The following HAUS6 variants were observed in gnomAD, a reference collection of about 807,000 sequenced individuals.
HAUS6 encodes the protein HAUS augmin like complex subunit 6, also known as HAUS augmin-like complex subunit 6.
In HAUS6, 80 loss-of-function variants were observed where a neutral mutation model predicts 106.8. That is an observed-to-expected ratio of 0.75 (90% confidence interval 0.63 to 0.90). HAUS6 has a LOEUF of 0.90. Among genes scored for constraint, HAUS6 ranks in the 40% least tolerant of loss-of-function variants. The probability of loss-of-function intolerance (pLI) is 0.00; values close to 1 mark genes in which losing one functional copy is unlikely to be tolerated. For synonymous variants in HAUS6, 356 were observed against 379.1 expected (o/e 0.94, Z 0.71); for missense variants, 1,155 against 1,118.1 (o/e 1.03, Z -0.47).
chr9:19,065,782 A>C (rs901540816), intron 12 of HAUS6, among the ~76,000 whole-genome samples: 7 of 152,092 alleles, frequency 4.6e-5, no homozygotes, highest in African/African-American at 1.4e-4. Context: ...CAGCAGTTGC[A>C]GTGAGCCGAG....
At chr9:19,084,030 C>T (rs1837225722) in intron 7 of HAUS6, among the ~76,000 whole-genome samples, 1 of 147,628 alleles carries the variant, frequency 6.8e-6, no homozygotes, top group Admixed American at 6.8e-5. Context: ...GTAAAAGGAT[C>T]CCTTAAGCCC....
intron 7 of HAUS6, 114 bp downstream of exon 7, chr9:19,086,620 C>CA (rs372363190): frequency 0.082 from 30,143 of 368,200 alleles, 2 homozygotes; most frequent in East Asian, 0.098. Flanking sequence ...ACTCCAACTC[C>CA]AAAAAAAAAA....
Position 19,102,894 on chromosome 9 carries a change from C to T in HAUS6, c.-243G>A, listed in dbSNP as rs1158259226. The T allele has an allele frequency of 7.9e-6, 3 of 380,800 alleles. No individual in the cohort carries two copies. Among genetic ancestry groups the T allele is most frequent in the African/African-American group, 6.3e-5 (3 of 47,696 alleles). The allele number at this position is 380,800 out of a possible 1,614,324, so 23.6% of individuals were successfully genotyped here. A position where few individuals can be genotyped will look rare whatever the true frequency, so the allele number is the denominator to read the frequency against. ...GCGAAGCCACCACAAACCGAGACTC[C>T]CGCCCTTAAGGAAGAGCAGTGTGCG... On this transcript the variant is annotated 5_prime_UTR_variant, in exon 1 of 17. Coordinates refer to ENST00000380502, the MANE Select transcript of HAUS6 (RefSeq NM_017645.5).
chr9:19,095,633 C>T (rs988610918), intron 2 of HAUS6, among the ~76,000 whole-genome samples: 12 of 151,612 alleles, frequency 7.9e-5, no homozygotes, highest in African/African-American at 2.9e-4. Flanking sequence ...TAAATAAAAG[C>T]AAAATATTGA....
At chr9:19,101,680 G>A (rs1022001395) in intron 1 of HAUS6, among the ~76,000 whole-genome samples, 1 of 152,192 alleles carries the variant, frequency 6.6e-6, no homozygotes, top group African/African-American at 2.4e-5. Flanking sequence ...CCAGCACTTT[G>A]GGAGGCCGAG....
intron 4 of HAUS6, among the ~76,000 whole-genome samples, chr9:19,092,916 CA>C (rs71494998): frequency 2.3e-3 from 175 of 76,210 alleles, no homozygotes; most frequent in Admixed American, 2.2e-3. Flanking sequence ...AACTGTGTCT[CA>C]AAAAAAAAAA....
chr9:19,070,944 A>G (rs1054227414), intron 11 of HAUS6, among the ~76,000 whole-genome samples: 4 of 152,342 alleles, frequency 2.6e-5, no homozygotes, highest in South Asian at 2.1e-4. Flanking sequence ...ACAAGTTGCT[A>G]TGATGGAGCA....
chr9:19,066,830 C>CA (rs71333078), intron 12 of HAUS6, among the ~76,000 whole-genome samples: 30,346 of 81,710 alleles, frequency 0.37, 5,138 homozygotes, highest in African/African-American at 0.53. Context: ...CTCATCTCTA[C>CA]AAAAAAAAAA....
In HAUS6 at chr9:19,083,023, T is replaced by G; in HGVS notation, c.720A>C (p.Ser240=). 1 of 1,585,400 alleles carries G rather than the reference T, an allele frequency of 6.3e-7. No homozygotes were observed. Among genetic ancestry groups the G allele is most frequent in the Non-Finnish European group, 8.6e-7 (1 of 1,169,292 alleles). ...CCAAAAACATGAGCGTTTCATTCAC[T>G]GAAGCCCACAAAGACCGAACCTTTG... ...KIQKVRSLWA[S]VNETLMFLEK... Residue 240 remains serine, a synonymous_variant, in exon 8 of 17, where the codon TCA becomes TCC. Transcript: ENST00000380502.
In HAUS6 at chr9:19,054,638, G is replaced by C. The variant is rs1209582047; in HGVS notation, c.*1705C>G. ...TCTCAGACTTGGGTGGCCAACTTGAGCTTCCCTATCAGATAGTTACCAATC... is the reference window on the plus strand; with the variant it reads ...TCTCAGACTTGGGTGGCCAACTTGACCTTCCCTATCAGATAGTTACCAATC... On this transcript the variant is annotated 3_prime_UTR_variant, in exon 17 of 17. Transcript: ENST00000380502. 2 of 152,166 alleles carry C rather than the reference G, an allele frequency of 1.3e-5. No individual in the cohort carries two copies. The highest frequency in any genetic ancestry group is 2.4e-5 in the African/African-American group (1 of 41,442). 9.4% of individuals were successfully genotyped at this position (152,166 alleles called of 1,614,324 possible).
At chr9:19,101,813 G>C (rs1370836307) in intron 1 of HAUS6, among the ~76,000 whole-genome samples, 3 of 152,012 alleles carry the variant, frequency 2.0e-5, no homozygotes, top group Non-Finnish European at 4.4e-5. Context: ...CCAGCTACTC[G>C]GGAGGCTGAG....
chr9:19,069,214 A>G (rs1462658874), intron 12 of HAUS6, among the ~76,000 whole-genome samples: 4 of 152,208 alleles, frequency 2.6e-5, no homozygotes, highest in Non-Finnish European at 4.4e-5. Context: ...CTTAGTTTCA[A>G]AAAAGTTCAC....
intron 4 of HAUS6, among the ~76,000 whole-genome samples, chr9:19,090,659 A>G (rs970180604): frequency 9.9e-5 from 15 of 152,150 alleles, no homozygotes; most frequent in Admixed American, 5.2e-4. Flanking sequence ...CACCTCGCCC[A>G]GCCATAGAAT....
At chr9:19,056,715 C>G (rs556281670) in intron 16 of HAUS6, 20 of 239,040 alleles carry the variant, frequency 8.4e-5, no homozygotes, top group African/African-American at 4.3e-4. Flanking sequence ...ATCCTCCCAC[C>G]TCAGCCTCCT....
At chr9:19,083,718 T>C (rs1837216394) in intron 7 of HAUS6, among the ~76,000 whole-genome samples, 3 of 150,072 alleles carry the variant, frequency 2.0e-5, no homozygotes, top group African/African-American at 7.4e-5. Context: ...AGAAGAATGG[T>C]GTGAACCCGG....
Position 19,102,413 on chromosome 9 carries a change from G to C in HAUS6, c.128+111C>G, listed in dbSNP as rs574066361. 345 of 1,203,510 alleles carry C rather than the reference G, an allele frequency of 2.9e-4. 3 individuals are homozygous for C. The South Asian group carries it at 4.6e-3, about 16-fold the overall frequency. The allele number at this position is 1,203,510 out of a possible 1,614,324, so 74.6% of individuals were successfully genotyped here. A position where few individuals can be genotyped will look rare whatever the true frequency, so the allele number is the denominator to read the frequency against. On this transcript the variant is annotated intron_variant, in intron 1 of 16. Transcript: ENST00000380502. Reference sequence around the variant, plus strand: ...CTTTGGAGCCAATGCCTGGCACAGAGTAACTGCTCAACCAATTCTGATTAA... The same window carrying C: ...CTTTGGAGCCAATGCCTGGCACAGACTAACTGCTCAACCAATTCTGATTAA...
chr9:19,094,117 A>G (rs1022765183), intron 3 of HAUS6, among the ~76,000 whole-genome samples, 200 bp downstream of exon 3: 1 of 152,228 alleles, frequency 6.6e-6, no homozygotes, highest in African/African-American at 2.4e-5. Context: ...TTTTCAGTAC[A>G]CCTGGCCAGC....
chr9:19,096,813 A>C, intron 1 of HAUS6, 44 bp from the exon 2 acceptor site: 1 of 915,904 alleles, frequency 1.1e-6, no homozygotes, highest in Non-Finnish European at 1.7e-6. Flanking sequence ...GAAAAAGGTT[A>C]ATAAGCTAAA....
At chr9:19,066,574 C>A (rs1249364704) in intron 12 of HAUS6, among the ~76,000 whole-genome samples, 1 of 141,500 alleles carries the variant, frequency 7.1e-6, no homozygotes, top group Non-Finnish European at 1.6e-5. Flanking sequence ...TCATGGAACT[C>A]CCCCCCACAC....
Sources: allele counts gnomAD v4.1 joint callset (sites outside exome capture counted in the v4.1 genomes callset), GRCh38; gene constraint gnomAD v4.1.1; transcripts MANE v1.5; gene names NCBI Gene and HGNC (gene_info 2026-07-23, HGNC 2026-07-21).